The following ATP6V1C2 variants were observed in gnomAD, a reference collection of about 807,000 sequenced individuals.
ATP6V1C2 encodes the protein ATPase H+ transporting V1 subunit C2.
In ATP6V1C2, 45 loss-of-function variants were observed where a neutral mutation model predicts 56.8. The observed-to-expected ratio is 0.79, with a 90% CI of 0.62 to 1.02. The LOEUF is 1.02. Ranked by LOEUF, ATP6V1C2 falls within the 50% of genes least tolerant of loss-of-function variation. The pLI is 0.00. For synonymous variants in ATP6V1C2, 220 were observed against 201.3 expected (o/e 1.09, Z -0.79); for missense variants, 463 against 519.7 (o/e 0.89, Z 1.06).
chr2:10,770,436 T>C (rs1046838778), intron 6 of ATP6V1C2, among the ~76,000 whole-genome samples: 2 of 152,214 alleles, frequency 1.3e-5, no homozygotes, highest in African/African-American at 2.4e-5. Context: ...ACCCTTGCTG[T>C]TGGATGCCTG....
chr2:10,760,599 C>T (rs1219027407), intron 4 of ATP6V1C2, among the ~76,000 whole-genome samples: 1 of 152,224 alleles, frequency 6.6e-6, no homozygotes, highest in African/African-American at 2.4e-5. Flanking sequence ...TCTCAGACTT[C>T]CCTGAGCATC....
chr2:10,748,356 A>G (rs542024363), intron 3 of ATP6V1C2, among the ~76,000 whole-genome samples: 1 of 152,334 alleles, frequency 6.6e-6, no homozygotes, highest in African/African-American at 2.4e-5. Flanking sequence ...AGTGCGTTGC[A>G]GGAGGCACAC....
Position 10,723,837 on chromosome 2 carries a change from CAAAAAA to C in ATP6V1C2, c.129+873_129+878del, listed in dbSNP as rs145669254. Among the ~76,000 whole-genome samples the C allele has an allele frequency of 2.0e-3, 247 of 122,968 alleles. 1 individual carries two copies. The highest frequency in any genetic ancestry group is 6.2e-3 in the African/African-American group (196 of 31,624). The allele number at this position is 122,968 out of a possible 152,430, so 80.7% of individuals were successfully genotyped here. A position where few individuals can be genotyped will look rare whatever the true frequency, so the allele number is the denominator to read the frequency against. ...CTGGGTGAACGGCGAGACTCTGTCT[CAAAAAA>C]AAAAAAAAAAAAAGAATGAGACATG... On this transcript the variant is annotated intron_variant, in intron 2 of 13. Transcript: ENST00000272238.
intron 4 of ATP6V1C2, among the ~76,000 whole-genome samples, chr2:10,760,691 C>A (rs949333019): frequency 2.0e-5 from 3 of 152,178 alleles, no homozygotes; most frequent in Non-Finnish European, 4.4e-5. Flanking sequence ...TGCTGGGGCT[C>A]ATAGTGCCAC....
intron 4 of ATP6V1C2, among the ~76,000 whole-genome samples, chr2:10,758,636 A>G (rs937695523): frequency 5.3e-5 from 8 of 152,108 alleles, no homozygotes; most frequent in African/African-American, 1.9e-4. Context: ...AGCATGTGCT[A>G]TAAACCAGGC....
rs1346841873 is a variant in ATP6V1C2 at position 10,771,751 on chromosome 2, C to T, written c.471-88C>T. On this transcript the variant is annotated intron_variant, in intron 6 of 13. Coordinates refer to ENST00000272238, the MANE Select transcript of ATP6V1C2 (RefSeq NM_001039362.2). Reference sequence around the variant, plus strand: ...GCACCCACCCTTCCTTGAGAACTGCCCCCAGTGCCCGGGTGTGGGTGTGTG... The same window carrying T: ...GCACCCACCCTTCCTTGAGAACTGCTCCCAGTGCCCGGGTGTGGGTGTGTG... 1.6e-5 allele frequency: 16 copies of T among 986,980 alleles called. No homozygotes were observed. In the Admixed American group the frequency reaches 2.8e-4, roughly 17 times the overall value. The allele number at this position is 986,980 out of a possible 1,614,324, so 61.1% of individuals were successfully genotyped here.
rs945884972 is a variant in ATP6V1C2 at position 10,753,968 on chromosome 2, T to TCTCTC, written c.198-12_198-8dup. The stretch of plus-strand genomic sequence containing the variant: ...TCCTACTCTAACCGGCTCTTTTTCT[T>TCTCTC]CTCTCTCCAAAGCCTCATAAGGAGA... On this transcript the variant is annotated splice_polypyrimidine_tract_variant and intron_variant, in intron 3 of 13. Transcript: ENST00000272238. 6 of 1,594,458 alleles carry TCTCTC rather than the reference T, an allele frequency of 3.8e-6. No individual in the cohort carries two copies. Among genetic ancestry groups the TCTCTC allele is most frequent in the Non-Finnish European group, 4.3e-6 (5 of 1,168,266 alleles).
chr2:10,726,376 C>T (rs1196327927), intron 2 of ATP6V1C2, 126 bp from the exon 3 acceptor site: 2 of 745,850 alleles, frequency 2.7e-6, no homozygotes, highest in East Asian at 5.0e-5. Flanking sequence ...TTCTACTTTC[C>T]ACTTTGGCCA....
chr2:10,750,186 T>C (rs1044584022), intron 3 of ATP6V1C2, among the ~76,000 whole-genome samples: 2 of 152,182 alleles, frequency 1.3e-5, no homozygotes, highest in Non-Finnish European at 2.9e-5. Flanking sequence ...TCTGGTGTCA[T>C]GTATATGCCT....
chr2:10,777,760 A>T (rs1316733928), intron 11 of ATP6V1C2, 38 bp downstream of exon 11: 3 of 1,580,722 alleles, frequency 1.9e-6, no homozygotes, highest in Non-Finnish European at 1.7e-6. Flanking sequence ...TCCCTGGCTC[A>T]CATCTCCTCG....
At position 10,772,536 on chromosome 2, in the gene ATP6V1C2, T is replaced by C. The variant is rs758480669; in HGVS notation, c.570-6T>C. 1.2e-6 allele frequency: 2 copies of C among 1,613,140 alleles called. No individual in the cohort carries two copies. The highest frequency in any genetic ancestry group is 3.3e-5 in the Admixed American group (2 of 60,006). On this transcript the variant is annotated splice_polypyrimidine_tract_variant and splice_region_variant and intron_variant, in intron 7 of 13. Transcript: ENST00000272238. ...AAAATCACGTAACGATTCTATGTTC[T>C]TGCAGACCAAACTACTCACAATGGC...
intron 2 of ATP6V1C2, among the ~76,000 whole-genome samples, chr2:10,725,394 C>CA (rs201972722): frequency 1.3e-4 from 19 of 144,536 alleles, no homozygotes; most frequent in South Asian, 4.5e-4. Context: ...ACAACAACAA[C>CA]AAAAAAAACA....
At chr2:10,758,687 G>A (rs949181437) in intron 4 of ATP6V1C2, among the ~76,000 whole-genome samples, 3 of 150,706 alleles carry the variant, frequency 2.0e-5, no homozygotes, top group East Asian at 1.9e-4. Flanking sequence ...TTTTTGAGAC[G>A]GAGTCTTGCT....
At chr2:10,773,651 A>G (rs1612375) in intron 8 of ATP6V1C2, among the ~76,000 whole-genome samples, 151,980 of 152,340 alleles carry the variant, frequency 1, 75,810 homozygotes, top group Middle Eastern at 1. Flanking sequence ...CCAAAGTGCT[A>G]GGATTACACG....
In ATP6V1C2 at chr2:10,750,611, C is replaced by A. The variant is rs13020514; in HGVS notation, c.198-3370C>A. On this transcript the variant is annotated intron_variant, in intron 3 of 13. Coordinates refer to ENST00000272238, the MANE Select transcript of ATP6V1C2 (RefSeq NM_001039362.2). Reference sequence around the variant, plus strand: ...TCATTAGCAAAATGATGAGTGAGTTCTCTTTTTAGGTCTGTTAGGACAGAA... The same window carrying A: ...TCATTAGCAAAATGATGAGTGAGTTATCTTTTTAGGTCTGTTAGGACAGAA... Among the ~76,000 whole-genome samples, 464 of 152,134 alleles carry A rather than the reference C, an allele frequency of 3.0e-3. 1 individual carries two copies. Among genetic ancestry groups the A allele is most frequent in the South Asian group, 9.1e-3 (44 of 4,816 alleles).
chr2:10,732,764 A>G (rs957463279), intron 3 of ATP6V1C2, among the ~76,000 whole-genome samples: 11 of 151,828 alleles, frequency 7.2e-5, no homozygotes, highest in African/African-American at 2.7e-4. Context: ...TGAGGTCAAG[A>G]GATCGAGACC....
At chr2:10,748,139 A>G (rs1041715990) in intron 3 of ATP6V1C2, among the ~76,000 whole-genome samples, 1 of 152,172 alleles carries the variant, frequency 6.6e-6, no homozygotes, top group Non-Finnish European at 1.5e-5. Flanking sequence ...CTCGTGGTCC[A>G]CTTGCCTTGG....
intron 6 of ATP6V1C2, 98 bp downstream of exon 6, chr2:10,768,908 C>T (rs1664402643): frequency 1.1e-6 from 1 of 946,054 alleles, no homozygotes; most frequent in Non-Finnish European, 1.7e-6. Flanking sequence ...AGTCTGTGCC[C>T]ATGCATGAGA....
At chr2:10,723,532 C>T (rs574714887) in intron 2 of ATP6V1C2, among the ~76,000 whole-genome samples, 9 of 151,990 alleles carry the variant, frequency 5.9e-5, no homozygotes, top group South Asian at 2.1e-4. Flanking sequence ...AAAGTTCAAA[C>T]GAAACCAACA....
Sources: allele counts gnomAD v4.1 joint callset (sites outside exome capture counted in the v4.1 genomes callset), GRCh38; gene constraint gnomAD v4.1.1; transcripts MANE v1.5; gene names NCBI Gene and HGNC (gene_info 2026-07-23, HGNC 2026-07-21).